The following BMPR1B variants were observed in gnomAD, a reference collection of about 807,000 sequenced individuals.
The protein encoded by BMPR1B is bone morphogenetic protein receptor type 1B.
In BMPR1B, 12 loss-of-function variants were observed where a neutral mutation model predicts 59.1. The ratio of observed to expected loss-of-function variants is 0.20; its 90% CI spans 0.13 to 0.33. The LOEUF (loss-of-function observed/expected upper bound fraction) is 0.33, where lower values mean the gene tolerates loss of function less well. Ranked by LOEUF, BMPR1B falls within the 10% of genes least tolerant of loss-of-function variation. The probability of loss-of-function intolerance (pLI) is 1.00; values close to 1 mark genes in which losing one functional copy is unlikely to be tolerated. For synonymous variants in BMPR1B, 237 were observed against 207.3 expected (o/e 1.14, Z -1.23); for missense variants, 550 against 610.9 (o/e 0.90, Z 1.05).
intron 2 of BMPR1B, among the ~76,000 whole-genome samples, chr4:94,947,552 T>C (rs938913387): frequency 2.6e-5 from 4 of 152,212 alleles, no homozygotes; most frequent in African/African-American, 9.6e-5. Flanking sequence ...AAAGCTGGAG[T>C]ACTTCTTTGC....
At chr4:94,803,665 A>G (rs1020064408) in intron 1 of BMPR1B, among the ~76,000 whole-genome samples, 6 of 152,262 alleles carry the variant, frequency 3.9e-5, no homozygotes, top group African/African-American at 1.4e-4. Context: ...GTTTTATGCA[A>G]TCTGTTCTCA....
At chr4:95,031,169 A>G (rs911360637) in intron 3 of BMPR1B, among the ~76,000 whole-genome samples, 2 of 152,182 alleles carry the variant, frequency 1.3e-5, no homozygotes, top group African/African-American at 4.8e-5. Flanking sequence ...GTACCAAAAC[A>G]GAGATAGAGA....
chr4:95,097,561 CAG>C (rs1401970490), intron 3 of BMPR1B, among the ~76,000 whole-genome samples: 3 of 151,924 alleles, frequency 2.0e-5, no homozygotes, highest in Admixed American at 6.6e-5. Context: ...TTTGTTGAGA[CAG>C]AGTCTCGATC....
At chr4:95,014,108 G>A (rs992046792) in intron 3 of BMPR1B, among the ~76,000 whole-genome samples, 5 of 152,082 alleles carry the variant, frequency 3.3e-5, no homozygotes, top group Non-Finnish European at 5.9e-5. Flanking sequence ...TTGTCTGACA[G>A]GTTTAAGTCC....
chr4:95,083,743 T>TTACCA (rs1229770316), intron 3 of BMPR1B, among the ~76,000 whole-genome samples: 1 of 152,212 alleles, frequency 6.6e-6, no homozygotes, highest in Non-Finnish European at 1.5e-5. Flanking sequence ...AGGGTTTGGT[T>TTACCA]TACCACTCTA....
At chr4:95,053,085 G>T (rs537277098) in intron 3 of BMPR1B, among the ~76,000 whole-genome samples, 1 of 152,086 alleles carries the variant, frequency 6.6e-6, no homozygotes, top group African/African-American at 2.4e-5. Context: ...AAGCAAAGAG[G>T]CCATATGCTA....
At chr4:95,085,013 G>T (rs552830509) in intron 3 of BMPR1B, among the ~76,000 whole-genome samples, 3 of 152,146 alleles carry the variant, frequency 2.0e-5, no homozygotes, top group African/African-American at 7.2e-5. Context: ...TACATGTTTT[G>T]TATGTAAGTT....
At chr4:94,893,659 G>A (rs998827286) in intron 2 of BMPR1B, among the ~76,000 whole-genome samples, 3 of 151,912 alleles carry the variant, frequency 2.0e-5, no homozygotes, top group African/African-American at 4.8e-5. Context: ...GGGTTTGTGC[G>A]TTCTATAGCT....
chr4:94,966,266 A>T (rs1204064770), intron 2 of BMPR1B, among the ~76,000 whole-genome samples: 2 of 152,152 alleles, frequency 1.3e-5, no homozygotes, highest in Non-Finnish European at 2.9e-5. Flanking sequence ...TTAGCTTTAA[A>T]CCTACCTAAG....
At chr4:95,074,099 T>G (rs1236772043) in intron 3 of BMPR1B, among the ~76,000 whole-genome samples, 4 of 114,150 alleles carry the variant, frequency 3.5e-5, no homozygotes, top group Non-Finnish European at 7.7e-5. Flanking sequence ...TTGGTAAGTG[T>G]TTTTTTTTTA....
At chr4:95,129,542 G>A (rs1199917659) in intron 8 of BMPR1B, among the ~76,000 whole-genome samples, 3 of 152,066 alleles carry the variant, frequency 2.0e-5, no homozygotes, top group Non-Finnish European at 4.4e-5. Flanking sequence ...CCATTATAAC[G>A]GGGAAGTGCA....
chr4:95,025,367 G>A lies in BMPR1B; in HGVS notation c.-18+29233G>A, dbSNP rs574505898. On this transcript the variant is annotated intron_variant, in intron 3 of 12. Coordinates refer to ENST00000515059, the MANE Select transcript of BMPR1B (RefSeq NM_001203.3). ...AGGTCATCTCTTTAGTTGCTTAGTG[G>A]AGAACTGTGTCCATGGCAGGACACA... 2.0e-5 allele frequency among the ~76,000 whole-genome samples: 3 copies of A among 152,234 alleles called. No individual in the cohort carries two copies. The East Asian group carries it at 5.8e-4, about 29-fold the overall frequency.
At position 95,095,246 on chromosome 4, in the gene BMPR1B, C is replaced by CAA. The variant is rs371316889; in HGVS notation, c.-17-9160_-17-9159dup. Among the ~76,000 whole-genome samples the CAA allele has an allele frequency of 7.3e-3, 1,103 of 152,044 alleles. 15 individuals carry two copies. Among genetic ancestry groups the CAA allele is most frequent in the African/African-American group, 0.026 (1,060 of 41,486 alleles). On this transcript the variant is annotated intron_variant, in intron 3 of 12. Transcript: ENST00000515059. ...TTAGCGATTAAACTATCTGATGTCA[C>CAA]AAAGTTATTTTAAAAATTAATATTG...
At chr4:94,827,443 A>G (rs954349658) in intron 1 of BMPR1B, among the ~76,000 whole-genome samples, 3 of 152,162 alleles carry the variant, frequency 2.0e-5, no homozygotes, top group Non-Finnish European at 4.4e-5. Context: ...TATATTATTT[A>G]TGGTTTTGTG....
At chr4:94,998,002 C>T (rs562943624) in intron 3 of BMPR1B, among the ~76,000 whole-genome samples, 1 of 152,074 alleles carries the variant, frequency 6.6e-6, no homozygotes, top group African/African-American at 2.4e-5. Flanking sequence ...TAAAGAACTA[C>T]AATAAGAAGA....
At chr4:94,918,660 G>A (rs1728576338) in intron 2 of BMPR1B, among the ~76,000 whole-genome samples, 1 of 151,102 alleles carries the variant, frequency 6.6e-6, no homozygotes, top group Non-Finnish European at 1.5e-5. Context: ...TTCCAGCCTG[G>A]GCAACAGAGT....
At chr4:94,957,172 A>T (rs1730170405) in intron 2 of BMPR1B, among the ~76,000 whole-genome samples, 1 of 151,938 alleles carries the variant, frequency 6.6e-6, no homozygotes, top group African/African-American at 2.4e-5. Context: ...CTTGCTGGGG[A>T]TTAGTGTTAA....
chr4:95,107,982 T>TACCCTCC (rs1731312171), intron 4 of BMPR1B, among the ~76,000 whole-genome samples: 1 of 152,072 alleles, frequency 6.6e-6, no homozygotes, highest in African/African-American at 2.4e-5. Context: ...CTCTACTCTC[T>TACCCTCC]ACCCTCCAAA....
intron 3 of BMPR1B, among the ~76,000 whole-genome samples, chr4:95,026,150 C>CTT (rs1175678386): frequency 1.4e-5 from 2 of 147,096 alleles, no homozygotes; most frequent in Admixed American, 6.8e-5. Flanking sequence ...TTCTTTCTTT[C>CTT]TTTCTTTCTT....
Sources: gnomAD v4.1 joint callset for allele counts (sites outside exome capture counted in the v4.1 genomes callset) on GRCh38, gnomAD v4.1.1 for gene constraint, MANE v1.5 for transcripts, NCBI Gene and HGNC (gene_info 2026-07-23, HGNC 2026-07-21) for gene names.